The following TRAM2 variants were observed in gnomAD, a reference collection of about 807,000 sequenced individuals.
The protein encoded by TRAM2 is translocating chain-associated membrane protein 2.
Under a neutral mutation model 51.0 loss-of-function variants are expected in TRAM2, and 12 were observed. That is an observed-to-expected ratio of 0.24 (90% confidence interval 0.15 to 0.38). The LOEUF is 0.38. Among genes scored for constraint, TRAM2 ranks in the 10% least tolerant of loss-of-function variants. The pLI, the probability that TRAM2 is intolerant of heterozygous loss-of-function variation, is 1.00. For synonymous variants in TRAM2, 175 were observed against 179.4 expected (o/e 0.98, Z 0.20); for missense variants, 361 against 462.0 (o/e 0.78, Z 2.00).
intron 10 of TRAM2, among the ~76,000 whole-genome samples, chr6:52,503,530 G>A (rs1766281862): frequency 6.6e-6 from 1 of 152,154 alleles, no homozygotes; most frequent in Non-Finnish European, 1.5e-5. Flanking sequence ...TTAGCAGGAG[G>A]GGCCTGGGAT....
intron 2 of TRAM2, 135 bp from the exon 3 acceptor site, chr6:52,516,872 G>A: frequency 1.5e-6 from 1 of 684,352 alleles, no homozygotes; most frequent in Non-Finnish European, 2.5e-6. Context: ...CTCAGAAGAA[G>A]GTTTCTGCCC....
At position 52,501,985 on chromosome 6, in the gene TRAM2, C is replaced by CT. The variant is rs1211105116; in HGVS notation, c.*1211dup. ...AAGGGGCCAGAAAGGCGCCTATCATCTACCCAGAGAGTGACTCTCAGTCAG... is the reference window on the plus strand; with the variant it reads ...AAGGGGCCAGAAAGGCGCCTATCATCTTACCCAGAGAGTGACTCTCAGTCAG... On this transcript the variant is annotated 3_prime_UTR_variant, in exon 11 of 11. Coordinates refer to ENST00000182527, the MANE Select transcript of TRAM2 (RefSeq NM_012288.4). The CT allele has an allele frequency of 6.6e-6, 1 of 152,246 alleles. No individual in the cohort carries two copies. Among genetic ancestry groups the CT allele is most frequent in the Non-Finnish European group, 1.5e-5 (1 of 68,068 alleles). 9.4% of individuals were successfully genotyped at this position (152,246 alleles called of 1,614,324 possible). A position where few individuals can be genotyped will look rare whatever the true frequency, so the allele number is the denominator to read the frequency against.
Position 52,542,262 on chromosome 6 carries a change from G to GTTT in TRAM2, c.121-6419_121-6417dup, listed in dbSNP as rs372948940. Among the ~76,000 whole-genome samples the GTTT allele has an allele frequency of 3.1e-4, 46 of 146,754 alleles. No homozygotes were observed. In the East Asian group the frequency reaches 7.4e-3, roughly 23 times the overall value. On this transcript the variant is annotated intron_variant, in intron 1 of 10. Coordinates refer to ENST00000182527, the MANE Select transcript of TRAM2 (RefSeq NM_012288.4). Reference sequence around the variant, plus strand: ...CAATTGGTGGGGAAGAGATTTTTGGGTTTTTTTTTTTTTTAAAAAAAATAG... The same window carrying GTTT: ...CAATTGGTGGGGAAGAGATTTTTGGGTTTTTTTTTTTTTTTTTAAAAAAAATAG...
chr6:52,516,141 C>T lies in TRAM2; in HGVS notation c.295-19G>A, dbSNP rs1766543637. On this transcript the variant is annotated intron_variant, in intron 3 of 10. Coordinates refer to ENST00000182527, the MANE Select transcript of TRAM2 (RefSeq NM_012288.4). The stretch of plus-strand genomic sequence containing the variant: ...TGATTTTCTAAAGAATAAAGAAAAC[C>T]CCTCATATTAATATACAAATGTATC... 1 of 1,600,402 alleles carries T rather than the reference C, an allele frequency of 6.2e-7. No individual in the cohort carries two copies. The highest frequency in any genetic ancestry group is 1.3e-5 in the African/African-American group (1 of 74,480).
chr6:52,540,202 T>G (rs1767053531), intron 1 of TRAM2, among the ~76,000 whole-genome samples: 1 of 151,542 alleles, frequency 6.6e-6, no homozygotes, highest in Non-Finnish European at 1.5e-5. Context: ...AGAGATAAAG[T>G]AGCCTCCCGA....
intron 1 of TRAM2, among the ~76,000 whole-genome samples, chr6:52,567,500 TC>T (rs1385057299): frequency 1.3e-5 from 2 of 152,240 alleles, no homozygotes; most frequent in Admixed American, 6.5e-5. Context: ...TGTAGATATT[TC>T]CCAGGCTGGG....
chr6:52,513,494 G>C (rs2024610), intron 4 of TRAM2, among the ~76,000 whole-genome samples: 116,282 of 152,064 alleles, frequency 0.76, 44,562 homozygotes, highest in East Asian at 0.86. Flanking sequence ...ACACAATCAA[G>C]AGAAGCACCA....
chr6:52,522,352 C>T (rs112813407), intron 2 of TRAM2, among the ~76,000 whole-genome samples: 4 of 152,352 alleles, frequency 2.6e-5, no homozygotes, highest in African/African-American at 9.6e-5. Flanking sequence ...GAGGCGCAAC[C>T]CAGTGGCTGG....
rs114370846 is a variant in TRAM2, at chr6:52,499,966, C to G, written c.*3231G>C. 5.3e-5 allele frequency: 8 copies of G among 152,156 alleles called. No individual in the cohort carries two copies. The highest frequency in any genetic ancestry group is 4.6e-4 in the Admixed American group (7 of 15,284). 9.4% of individuals were successfully genotyped at this position (152,156 alleles called of 1,614,324 possible). On this transcript the variant is annotated 3_prime_UTR_variant, in exon 11 of 11. Coordinates refer to ENST00000182527, the MANE Select transcript of TRAM2 (RefSeq NM_012288.4). ...AATTTATTAATAGTGCAGCTATCAG[C>G]GCCCGGATGGTAAAAATAACTCCCA... is the stretch of plus-strand genomic sequence containing the variant.
At chr6:52,568,345 A>T (rs946889308) in intron 1 of TRAM2, among the ~76,000 whole-genome samples, 1 of 152,226 alleles carries the variant, frequency 6.6e-6, no homozygotes, top group Non-Finnish European at 1.5e-5. Flanking sequence ...AAATCCATAC[A>T]AACAAGTTAT....
intron 1 of TRAM2, among the ~76,000 whole-genome samples, chr6:52,552,158 C>T (rs1443552580): frequency 1.3e-5 from 2 of 152,250 alleles, no homozygotes; most frequent in Non-Finnish European, 2.9e-5. Context: ...AGATAGCCAG[C>T]AGTCTCAGGC....
chr6:52,518,475 T>C (rs1350462416), intron 2 of TRAM2, among the ~76,000 whole-genome samples: 2 of 152,204 alleles, frequency 1.3e-5, no homozygotes, highest in Non-Finnish European at 2.9e-5. Context: ...CATTTGCGTT[T>C]TGGAACATTT....
chr6:52,509,609 C>A lies in TRAM2; in HGVS notation c.412-23G>T, dbSNP rs376608946. On this transcript the variant is annotated intron_variant, in intron 4 of 10. Coordinates refer to ENST00000182527, the MANE Select transcript of TRAM2 (RefSeq NM_012288.4). ...TTCCTGCAGTGGGCAAGAAGAGAGACCATTTAGAGATGTGGACGTGAGACC... is the reference window on the plus strand; with the variant it reads ...TTCCTGCAGTGGGCAAGAAGAGAGAACATTTAGAGATGTGGACGTGAGACC... The A allele has an allele frequency of 1.5e-5, 24 of 1,613,050 alleles. No homozygotes were observed. The African/African-American group carries it at 1.9e-4, about 13-fold the overall frequency.
intron 3 of TRAM2, chr6:52,516,383 C>T: frequency 1.7e-6 from 1 of 595,086 alleles, no homozygotes; most frequent in East Asian, 2.8e-5. Flanking sequence ...GCCCCAGACC[C>T]ATAAGGACAC....
intron 1 of TRAM2, among the ~76,000 whole-genome samples, chr6:52,550,485 T>C (rs1767288019): frequency 6.6e-6 from 1 of 152,212 alleles, no homozygotes; most frequent in African/African-American, 2.4e-5. Context: ...AAAAGAATAC[T>C]AACACCATAT....
intron 1 of TRAM2, among the ~76,000 whole-genome samples, chr6:52,572,066 G>A (rs1050471415): frequency 1.3e-5 from 2 of 152,200 alleles, no homozygotes; most frequent in Admixed American, 1.3e-4. Flanking sequence ...GATTACACTT[G>A]AGGCTTGACC....
chr6:52,517,534 G>A (rs1455334307), intron 2 of TRAM2, among the ~76,000 whole-genome samples: 2 of 152,234 alleles, frequency 1.3e-5, no homozygotes, highest in Non-Finnish European at 2.9e-5. Flanking sequence ...CAACATCCCA[G>A]GTATAGAAAT....
At chr6:52,570,271 C>T (rs575380152) in intron 1 of TRAM2, among the ~76,000 whole-genome samples, 5 of 152,284 alleles carry the variant, frequency 3.3e-5, no homozygotes, top group East Asian at 1.9e-4. Flanking sequence ...TATGTTCACA[C>T]GTTTGGGTCA....
intron 2 of TRAM2, chr6:52,524,753 T>TA (rs1271923576): frequency 6.6e-6 from 1 of 152,200 alleles, no homozygotes; most frequent in Non-Finnish European, 1.5e-5. Context: ...CTTGTTGCTC[T>TA]ATTTTTTTTT....
Sources: gnomAD v4.1 joint callset for allele counts (sites outside exome capture counted in the v4.1 genomes callset) on GRCh38, gnomAD v4.1.1 for gene constraint, MANE v1.5 for transcripts, NCBI Gene and HGNC (gene_info 2026-07-23, HGNC 2026-07-21) for gene names.